The following AOX1 variants were observed in gnomAD, a reference collection of about 807,000 sequenced individuals.
The protein encoded by AOX1 is aldehyde oxidase.
Under a neutral mutation model 169.5 loss-of-function variants are expected in AOX1, and 153 were observed. The ratio of observed to expected loss-of-function variants is 0.90; its 90% CI spans 0.79 to 1.03. The LOEUF is 1.03. Ranked by LOEUF, AOX1 falls within the 50% of genes least tolerant of loss-of-function variation. The pLI, the probability that AOX1 is intolerant of heterozygous loss-of-function variation, is 0.00. For synonymous variants in AOX1, 562 were observed against 581.9 expected (o/e 0.97, Z 0.49); for missense variants, 1,656 against 1,663.9 (o/e 1.00, Z 0.08).
At chr2:200,591,926 G>C (rs756386695) in intron 1 of AOX1, among the ~76,000 whole-genome samples, 28 of 152,142 alleles carry the variant, frequency 1.8e-4, no homozygotes, top group Non-Finnish European at 3.7e-4. Context: ...GAGGAACATT[G>C]GAAGCCCAAG....
chr2:200,664,326 G>A (rs1003202339), intron 31 of AOX1, among the ~76,000 whole-genome samples: 4 of 152,204 alleles, frequency 2.6e-5, no homozygotes, highest in Admixed American at 6.5e-5. Context: ...GCTTCACCAT[G>A]TTGCCCAGGC....
intron 27 of AOX1, among the ~76,000 whole-genome samples, chr2:200,657,161 C>CAAAAAAAAAAAAAAAAAAAA (rs67071824): frequency 6.0e-5 from 5 of 83,032 alleles, no homozygotes; most frequent in African/African-American, 2.4e-4. Flanking sequence ...CCATCTCTAC[C>CAAAAAAAAAAAAAAAAAAAA]AAAAATATAT....
intron 8 of AOX1, among the ~76,000 whole-genome samples, chr2:200,604,366 T>G (rs2293527): frequency 0.24 from 35,773 of 152,110 alleles, 4,351 homozygotes; most frequent in Middle Eastern, 0.29. Flanking sequence ...ATAGACATGT[T>G]TCCTACTTTC....
chr2:200,682,146 C>T, the AOX1 span, among the ~76,000 whole-genome samples: 4 of 152,242 alleles, frequency 2.6e-5, no homozygotes, highest in East Asian at 7.7e-4. Flanking sequence ...GCATTCTATC[C>T]TGTCAAGATA....
chr2:200,642,754 T>A lies in AOX1; in HGVS notation c.2800T>A (p.Ser934Thr). The change falls in exon 25 of 35, where the codon TCT (serine) becomes ACT (threonine). Residue 934 changes from serine (S) to threonine (T), a missense_variant. Physicochemically the swap from Ser to Thr is moderately conservative, Grantham distance 58. Coordinates refer to ENST00000374700, the MANE Select transcript of AOX1 (RefSeq NM_001159.4). ...TCCTCAGGCAGCGCTGATCACCGAA[T>A]CTTGTATCACGGAAGTTGCAGCCAA... Reference protein sequence around the residue: ...GFPQAALITESCITEVAAKCG... With the variant: ...GFPQAALITETCITEVAAKCG... The A allele has an allele frequency of 1.9e-6, 3 of 1,613,944 alleles. No individual in the cohort carries two copies. The highest frequency in any genetic ancestry group is 2.5e-6 in the Non-Finnish European group (3 of 1,179,904).
intron 27 of AOX1, among the ~76,000 whole-genome samples, chr2:200,657,160 C>CAAAAAAAAAAAAAAAAAAA (rs1442000312): frequency 1.7e-5 from 1 of 59,136 alleles, no homozygotes; most frequent in African/African-American, 5.9e-5. Flanking sequence ...TCCATCTCTA[C>CAAAAAAAAAAAAAAAAAAA]CAAAAATATA....
At chr2:200,591,196 A>C (rs1197265192) in intron 1 of AOX1, among the ~76,000 whole-genome samples, 2 of 152,230 alleles carry the variant, frequency 1.3e-5, no homozygotes, top group African/African-American at 4.8e-5. Flanking sequence ...AGTGTTTGGC[A>C]TAAAGAAGAA....
intron 1 of AOX1, among the ~76,000 whole-genome samples, chr2:200,592,858 C>G (rs2034202408): frequency 6.6e-6 from 1 of 152,084 alleles, no homozygotes; most frequent in African/African-American, 2.4e-5. Flanking sequence ...TTTAAACTTT[C>G]TAGAAAAAAC....
chr2:200,681,922 T>TG (rs955735785), downstream of AOX1, among the ~76,000 whole-genome samples: 1 of 151,914 alleles, frequency 6.6e-6, no homozygotes, highest in Non-Finnish European at 1.5e-5. Flanking sequence ...TGTGACCTTT[T>TG]GGGGTTTTTT....
intron 26 of AOX1, among the ~76,000 whole-genome samples, chr2:200,655,270 A>G (rs1484079941): frequency 1.3e-5 from 2 of 152,328 alleles, no homozygotes; most frequent in East Asian, 3.9e-4. Flanking sequence ...CTAGCAAAGC[A>G]CAATGAAGTG....
At chr2:200,625,758 GC>G (rs2034986660) in intron 19 of AOX1, among the ~76,000 whole-genome samples, 1 of 152,084 alleles carries the variant, frequency 6.6e-6, no homozygotes, top group East Asian at 1.9e-4. Flanking sequence ...ATAAAACCTA[GC>G]TTTTTTTTCA....
intron 10 of AOX1, among the ~76,000 whole-genome samples, chr2:200,607,792 A>G (rs888512603): frequency 5.3e-5 from 8 of 152,230 alleles, no homozygotes; most frequent in Non-Finnish European, 1.2e-4. Flanking sequence ...CAGCCATAAA[A>G]AAGAATGAGA....
intron 16 of AOX1, among the ~76,000 whole-genome samples, chr2:200,618,795 G>A (rs1421273376): frequency 6.6e-6 from 1 of 152,202 alleles, no homozygotes; most frequent in Non-Finnish European, 1.5e-5. Flanking sequence ...ATTATAACCA[G>A]AGGTCTCCTC....
intron 30 of AOX1, among the ~76,000 whole-genome samples, chr2:200,662,476 A>C (rs1174809679): frequency 6.6e-6 from 1 of 152,196 alleles, no homozygotes; most frequent in Admixed American, 6.5e-5. Context: ...TGGAGCCAGA[A>C]AGATAGACAA....
chr2:200,592,465 A>G (rs2034193840), intron 1 of AOX1, among the ~76,000 whole-genome samples: 1 of 152,192 alleles, frequency 6.6e-6, no homozygotes, highest in Non-Finnish European at 1.5e-5. Flanking sequence ...AAAAAGAGAA[A>G]ACATGATCAC....
intron 26 of AOX1, among the ~76,000 whole-genome samples, chr2:200,654,567 A>C (rs1239410652): frequency 6.6e-6 from 1 of 152,190 alleles, no homozygotes; most frequent in East Asian, 1.9e-4. Flanking sequence ...TGCAGTCTGA[A>C]CACTGAATGG....
intron 26 of AOX1, among the ~76,000 whole-genome samples, chr2:200,653,845 C>A (rs2035626997): frequency 6.6e-6 from 1 of 152,188 alleles, no homozygotes. Context: ...AGTGTTTCAA[C>A]CTTTTTCATA....
chr2:200,649,095 T>A (rs542669882), intron 25 of AOX1, among the ~76,000 whole-genome samples: 1 of 152,282 alleles, frequency 6.6e-6, no homozygotes, highest in East Asian at 1.9e-4. Context: ...CACTGAGCTC[T>A]GACCAGGAGG....
chr2:200,635,111 C>A (rs573701903), intron 21 of AOX1, among the ~76,000 whole-genome samples, 196 bp downstream of exon 21: 4 of 152,238 alleles, frequency 2.6e-5, no homozygotes, highest in African/African-American at 9.6e-5. Flanking sequence ...GACCCTGTCT[C>A]TAACACAAAA....
Sources: gnomAD v4.1 joint callset for allele counts (sites outside exome capture counted in the v4.1 genomes callset) on GRCh38, gnomAD v4.1.1 for gene constraint, MANE v1.5 for transcripts, NCBI Gene and HGNC (gene_info 2026-07-23, HGNC 2026-07-21) for gene names.